The following NR2F6 variants were observed in gnomAD, a reference collection of about 807,000 sequenced individuals.
The protein encoded by NR2F6 is ERBA-related gene-2.
Under a neutral mutation model 26.5 loss-of-function variants are expected in NR2F6, and 16 were observed. That is an observed-to-expected ratio of 0.60 (90% CI 0.41 to 0.92). The LOEUF (loss-of-function observed/expected upper bound fraction) is 0.92. NR2F6 is among the 40% of genes least tolerant of loss of function. The probability of loss-of-function intolerance (pLI) is 0.00; values close to 1 mark genes in which losing one functional copy is unlikely to be tolerated. For missense variants in NR2F6, 536 were observed against 631.7 expected, an observed-to-expected ratio of 0.85 and a Z score of 1.62; for synonymous variants, 325 against 305.0, an observed-to-expected ratio of 1.07 and a Z score of -0.68.
At chr19:17,233,561 G>A (rs550852652) in intron 3 of NR2F6, among the ~76,000 whole-genome samples, 160 of 152,118 alleles carry the variant, frequency 1.1e-3, no homozygotes, top group African/African-American at 3.7e-3. Flanking sequence ...GAAGTGTAGT[G>A]GCACGATCTC....
intron 3 of NR2F6, among the ~76,000 whole-genome samples, chr19:17,233,862 C>T (rs761317514): frequency 3.3e-5 from 5 of 151,974 alleles, no homozygotes; most frequent in Non-Finnish European, 7.4e-5. Context: ...AAGACAGAGC[C>T]CAGAAGGGCC....
chr19:17,232,813 A>T (rs559887459), intron 3 of NR2F6, among the ~76,000 whole-genome samples, 187 bp from the exon 4 acceptor site: 1 of 152,110 alleles, frequency 6.6e-6, no homozygotes, highest in South Asian at 2.1e-4. Context: ...AGGATTTGAG[A>T]CCAGCCAGGG....
rs1480996207 is a variant in NR2F6, at chr19:17,245,332, A to C, written c.-112T>G. 3 of 935,344 alleles carry C rather than the reference A, an allele frequency of 3.2e-6. No homozygotes were observed. The highest frequency in any genetic ancestry group is 1.8e-5 in the African/African-American group (1 of 56,942). 57.9% of individuals were successfully genotyped at this position (935,344 alleles called of 1,614,324 possible). A position where few individuals can be genotyped will look rare whatever the true frequency, so the allele number is the denominator to read the frequency against. On this transcript the variant is annotated 5_prime_UTR_variant, in exon 1 of 4. Coordinates refer to ENST00000291442, the MANE Select transcript of NR2F6 (RefSeq NM_005234.4). The surrounding 1 kb of genome is among the most constrained non-coding windows in gnomAD (Gnocchi z 5.0). Reference sequence around the variant, plus strand: ...CATTCGGCCCCGGCGCGCGGGGGGCACGGGCTGCACCCCCCAAAAAAGTTT... The same window carrying C: ...CATTCGGCCCCGGCGCGCGGGGGGCCCGGGCTGCACCCCCCAAAAAAGTTT...
rs2073413962 is a variant in NR2F6, at chr19:17,232,616, G to A, written c.951C>T (p.Gly317=). ...TCTCAACGTGGGCCGGGTCTGAGAG[G>A]CCACAGGCGTCTAGGGGGACAAAGG... The part of the protein sequence containing the change: ...AIALFTPDAC[G]LSDPAHVESL... Residue 317 remains glycine, a synonymous_variant, in exon 4 of 4, where the codon GGC becomes GGT. Coordinates refer to ENST00000291442, the MANE Select transcript of NR2F6 (RefSeq NM_005234.4). The A allele has an allele frequency of 6.5e-7, 1 of 1,543,408 alleles. No homozygotes were observed. Among genetic ancestry groups the A allele is most frequent in the Non-Finnish European group, 8.7e-7 (1 of 1,147,630 alleles).
Position 17,235,816 on chromosome 19 carries a change from C to G in NR2F6, c.623G>C (p.Arg208Pro). 6.8e-7 allele frequency: 1 copy of G among 1,479,884 alleles called. No homozygotes were observed. The highest frequency in any genetic ancestry group is 8.9e-7 in the Non-Finnish European group (1 of 1,124,058). The allele number at this position is 1,479,884 out of a possible 1,614,324, so 91.7% of individuals were successfully genotyped here. ...CCACTCCACGGTGCTGAAGAGCAGCCGCGCCGCCAGCTCGCACACGTTGTC... is the reference window on the plus strand; with the variant it reads ...CCACTCCACGGTGCTGAAGAGCAGCGGCGCCGCCAGCTCGCACACGTTGTC... ...GIDNVCELAA[R>P]LLFSTVEWAR... The change falls in exon 3 of 4, where the codon CGG becomes CCG. Residue 208 changes from arginine (R) to proline (P), a missense_variant. Transcript: ENST00000291442. This position sits in a 1 kb window ranked among gnomAD's most constrained non-coding sequence, Gnocchi z 5.0.
At position 17,240,137 on chromosome 19, in the gene NR2F6, G is replaced by A. The variant is rs374753305; in HGVS notation, c.373+534C>T. On this transcript the variant is annotated intron_variant, in intron 2 of 3. Transcript: ENST00000291442. ...GGCCTCACTCTTGCTCCCAGCGCCCGGGGTCAGAAGAAAGGGTAAGCTGCC... is the reference window on the plus strand; with the variant it reads ...GGCCTCACTCTTGCTCCCAGCGCCCAGGGTCAGAAGAAAGGGTAAGCTGCC... Among the ~76,000 whole-genome samples the A allele has an allele frequency of 1.5e-4, 23 of 152,324 alleles. No individual in the cohort carries two copies. In the East Asian group the frequency reaches 1.9e-3, roughly 13 times the overall value.
At chr19:17,244,323 CAGAGGGGTTCCCTG>C (rs1314215070) in intron 1 of NR2F6, 2 of 152,724 alleles carry the variant, frequency 1.3e-5, no homozygotes, top group East Asian at 3.9e-4. Context: ...AGAGTGAGCC[CAGAGGGGTTCCCTG>C]AGATGGGCAA....
intron 2 of NR2F6, among the ~76,000 whole-genome samples, chr19:17,236,301 G>T (rs1246806933): frequency 1.6e-5 from 2 of 122,842 alleles, no homozygotes; most frequent in African/African-American, 6.1e-5. Flanking sequence ...GGGGTGGGGG[G>T]CAGGTGGGGG....
intron 1 of NR2F6, among the ~76,000 whole-genome samples, chr19:17,241,421 T>C (rs961510270): frequency 1.3e-5 from 2 of 152,156 alleles, no homozygotes; most frequent in African/African-American, 4.8e-5. Context: ...AGCTGGAGAT[T>C]TTCCTGGTCA....
rs774276278 is a variant in NR2F6, at chr19:17,232,606, G to A, written c.961C>T (p.Pro321Ser). 1.0e-5 allele frequency: 16 copies of A among 1,550,304 alleles called. No individual in the cohort carries two copies. In the Middle Eastern group the frequency reaches 5.2e-4, roughly 50 times the overall value. Reference protein sequence around the residue: ...FTPDACGLSDPAHVESLQEKA... With the variant: ...FTPDACGLSDSAHVESLQEKA... Reference sequence around the variant, plus strand: ...TCCTGCAGGCTCTCAACGTGGGCCGGGTCTGAGAGGCCACAGGCGTCTAGG... The same window carrying A: ...TCCTGCAGGCTCTCAACGTGGGCCGAGTCTGAGAGGCCACAGGCGTCTAGG... Residue 321 changes from proline to serine, a missense_variant, in exon 4 of 4, where the codon CCG (proline) becomes TCG (serine). Coordinates refer to ENST00000291442, the MANE Select transcript of NR2F6 (RefSeq NM_005234.4).
chr19:17,241,709 A>G (rs1345319538), intron 1 of NR2F6, among the ~76,000 whole-genome samples: 1 of 152,214 alleles, frequency 6.6e-6, no homozygotes, highest in Non-Finnish European at 1.5e-5. Flanking sequence ...CACAGAGTAG[A>G]ACCACCACTT....
chr19:17,243,872 G>A (rs1046768077), intron 1 of NR2F6, among the ~76,000 whole-genome samples: 2 of 152,166 alleles, frequency 1.3e-5, no homozygotes, highest in Non-Finnish European at 2.9e-5. Context: ...CCAACGCAAA[G>A]CAGGCACCAG....
chr19:17,236,428 T>C (rs920162068), intron 2 of NR2F6, among the ~76,000 whole-genome samples: 3 of 151,722 alleles, frequency 2.0e-5, no homozygotes, highest in African/African-American at 7.3e-5. Flanking sequence ...CCCCACCCCA[T>C]GGGCGCCAGG....
chr19:17,235,756 A>G lies in NR2F6; in HGVS notation c.683T>C (p.Val228Ala). The change falls in exon 3 of 4, where the codon GTG (valine) becomes GCG (alanine). Residue 228 changes from valine (V) to alanine (A), a missense_variant. Physicochemically the swap from Val to Ala is moderately conservative, Grantham distance 64. Coordinates refer to ENST00000291442, the MANE Select transcript of NR2F6 (RefSeq NM_005234.4). The surrounding 1 kb of genome is among the most constrained non-coding windows in gnomAD (Gnocchi z 5.0). ...RHAPFFPELP[V>A]ADQVALLRLS... ...GCGCAGCAGCGCCACCTGGTCGGCC[A>G]CCGGCAGCTCGGGGAAGAAGGGCGC... 1.3e-6 allele frequency: 2 copies of G among 1,499,792 alleles called. No homozygotes were observed. The highest frequency in any genetic ancestry group is 1.5e-5 in the African/African-American group (1 of 68,782). 92.9% of individuals were successfully genotyped at this position (1,499,792 alleles called of 1,614,324 possible). A position where few individuals can be genotyped will look rare whatever the true frequency, so the allele number is the denominator to read the frequency against.
rs2073491281 is a variant in NR2F6 at position 17,245,154 on chromosome 19, C to T, written c.67G>A (p.Gly23Ser). 7.0e-7 allele frequency: 1 copy of T among 1,432,356 alleles called. No individual in the cohort carries two copies. The highest frequency in any genetic ancestry group is 9.1e-7 in the Non-Finnish European group (1 of 1,096,688). 88.7% of individuals were successfully genotyped at this position (1,432,356 alleles called of 1,614,324 possible). A position where few individuals can be genotyped will look rare whatever the true frequency, so the allele number is the denominator to read the frequency against. ...GDTNGVDKAG[G>S]YPRAAEDDSA... is the part of the protein sequence containing the mutation. ...TCGTCCTCGGCCGCGCGCGGGTAGC[C>T]GCCCGCCTTGTCCACGCCGTTCGTG... Residue 23 changes from glycine to serine, a missense_variant, in exon 1 of 4, where the codon GGC (glycine) becomes AGC (serine). Transcript: ENST00000291442. The surrounding 1 kb of genome is among the most constrained non-coding windows in gnomAD (Gnocchi z 5.0).
intron 2 of NR2F6, among the ~76,000 whole-genome samples, chr19:17,240,397 T>C (rs187086218): frequency 3.9e-5 from 6 of 152,290 alleles, no homozygotes; most frequent in Admixed American, 2.6e-4. Flanking sequence ...AAGTCCCTTG[T>C]GGGGCGTCCC....
intron 3 of NR2F6, among the ~76,000 whole-genome samples, chr19:17,234,200 G>A (rs2073423168): frequency 6.6e-6 from 1 of 150,594 alleles, no homozygotes; most frequent in African/African-American, 2.4e-5. Flanking sequence ...TCCAGCCTGG[G>A]CGACGGAGTA....
intron 1 of NR2F6, among the ~76,000 whole-genome samples, chr19:17,242,986 G>C (rs1273804369): frequency 1.3e-5 from 2 of 152,060 alleles, no homozygotes; most frequent in African/African-American, 4.8e-5. Context: ...ACCCTCTATG[G>C]CTCCCCATTA....
chr19:17,240,600 G>A, intron 2 of NR2F6, 71 bp downstream of exon 2: 4 of 1,504,732 alleles, frequency 2.7e-6, no homozygotes, highest in Non-Finnish European at 2.8e-6. Flanking sequence ...AAAAGGGGAG[G>A]AAGAAGCTGT....
Sources: gnomAD v4.1 joint callset for allele counts (sites outside exome capture counted in the v4.1 genomes callset) on GRCh38, gnomAD v4.1.1 for gene constraint, Gnocchi (gnomAD v3.1) non-coding constraint, MANE v1.5 for transcripts, NCBI Gene and HGNC (gene_info 2026-07-23, HGNC 2026-07-21) for gene names.